The following PPME1 variants were observed in gnomAD, a reference collection of about 807,000 sequenced individuals.
The protein encoded by PPME1 is protein phosphatase methylesterase 1, also known as testicular secretory protein Li 39.
In PPME1, 17 loss-of-function variants were observed where a neutral mutation model predicts 56.9. The observed-to-expected ratio is 0.30, with a 90% CI of 0.20 to 0.45. PPME1 has a LOEUF of 0.45. PPME1 is among the 20% of genes least tolerant of loss of function. The pLI is 1.00. For missense variants in PPME1, 357 were observed against 483.2 expected (o/e 0.74, Z 2.45); for synonymous variants, 122 against 156.2 (o/e 0.78, Z 1.63).
chr11:74,239,680 C>G lies in PPME1; in HGVS notation c.834+424C>G, dbSNP rs549669279. Among the ~76,000 whole-genome samples the G allele has an allele frequency of 4.7e-4, 71 of 151,706 alleles. No individual in the cohort carries two copies. The East Asian group carries it at 9.7e-3, about 21-fold the overall frequency. On this transcript the variant is annotated intron_variant, in intron 9 of 13. Transcript: ENST00000328257. ...CAAGCTCCGCCTCCCGGGTTCACGC[C>G]ATTCTCCTGCCTCAGCCTCCCATGT...
intron 3 of PPME1, among the ~76,000 whole-genome samples, chr11:74,213,067 C>A (rs1005219859): frequency 6.6e-6 from 1 of 152,060 alleles, no homozygotes; most frequent in Non-Finnish European, 1.5e-5. Context: ...GGCTCTTGGA[C>A]AGCATTTCTG....
At chr11:74,187,061 G>A (rs1005894072) in intron 1 of PPME1, among the ~76,000 whole-genome samples, 2 of 152,138 alleles carry the variant, frequency 1.3e-5, no homozygotes, top group Non-Finnish European at 2.9e-5. Flanking sequence ...GACCATAAAT[G>A]TATGTGTTTG....
intron 2 of PPME1, 65 bp downstream of exon 2, chr11:74,203,886 T>C (rs1191511209): frequency 2.5e-6 from 3 of 1,200,988 alleles, no homozygotes; most frequent in South Asian, 3.0e-5. Flanking sequence ...AAAAGACTTG[T>C]GTAGTTTCTA....
In PPME1 at chr11:74,251,026, T is replaced by G; in HGVS notation, c.1074+8T>G. The stretch of plus-strand genomic sequence containing the variant: ...GAGGATGCCCCTGACAAGGTGAGTC[T>G]GGTGCTCAGTGACTGTAAAAGGACA... On this transcript the variant is annotated splice_region_variant and intron_variant, in intron 12 of 13. Coordinates refer to ENST00000328257, the MANE Select transcript of PPME1 (RefSeq NM_016147.3). The G allele has an allele frequency of 6.3e-7, 1 of 1,587,018 alleles. No individual in the cohort carries two copies. Among genetic ancestry groups the G allele is most frequent in the South Asian group, 1.2e-5 (1 of 86,504 alleles).
chr11:74,206,797 C>A (rs1192259769), intron 3 of PPME1, among the ~76,000 whole-genome samples: 1 of 152,008 alleles, frequency 6.6e-6, no homozygotes, highest in East Asian at 1.9e-4. Context: ...AAACTCCTGG[C>A]CTCAAGCAGT....
At position 74,223,481 on chromosome 11, in the gene PPME1, T is replaced by C. The variant is rs1015018963; in HGVS notation, c.346+1112T>C. On this transcript the variant is annotated intron_variant, in intron 4 of 13. Coordinates refer to ENST00000328257, the MANE Select transcript of PPME1 (RefSeq NM_016147.3). The stretch of plus-strand genomic sequence containing the variant: ...CCAGTAGTGGGATGGCTGGGTCAAA[T>C]GGTATTTCTAGTTCTAGATCCCTGA... Among the ~76,000 whole-genome samples, 5 of 136,590 alleles carry C rather than the reference T, an allele frequency of 3.7e-5. 1 individual carries two copies. The highest frequency in any genetic ancestry group is 7.5e-5 in the Non-Finnish European group (5 of 66,566). 89.6% of individuals were successfully genotyped at this position (136,590 alleles called of 152,430 possible). A position where few individuals can be genotyped will look rare whatever the true frequency, so the allele number is the denominator to read the frequency against.
intron 11 of PPME1, chr11:74,248,921 T>C (rs1380766071): frequency 6.6e-6 from 1 of 152,206 alleles, no homozygotes; most frequent in Non-Finnish European, 1.5e-5. Flanking sequence ...CTGTTAATAG[T>C]TTTGCGGTAT....
At position 74,171,394 on chromosome 11, in the gene PPME1, T is replaced by C; in HGVS notation, c.-28T>C. 3 of 1,596,994 alleles carry C rather than the reference T, an allele frequency of 1.9e-6. No individual in the cohort carries two copies. The highest frequency in any genetic ancestry group is 1.7e-6 in the Non-Finnish European group (2 of 1,171,842). On this transcript the variant is annotated 5_prime_UTR_variant, in exon 1 of 14. Transcript: ENST00000328257. ...CGTGGGACGAAGCTTCGCCTACTGT[T>C]TGACTACGTGCGTGCAGCCTCCCCT...
chr11:74,192,765 TCA>T (rs995407882), intron 1 of PPME1, among the ~76,000 whole-genome samples: 1 of 152,150 alleles, frequency 6.6e-6, no homozygotes, highest in Non-Finnish European at 1.5e-5. Context: ...GCTTCTGCTC[TCA>T]CCTTGTGACA....
Position 74,237,275 on chromosome 11 carries a change from C to CTTTTTTTTTTTTTTTTT in PPME1, c.710+1311_710+1327dup, listed in dbSNP as rs763251745. ...CAGGAAGTACATAATGTCTGGTTGT[C>CTTTTTTTTTTTTTTTTT]TTTTTTTTTTTTTTTTTTGAGACAG... On this transcript the variant is annotated intron_variant, in intron 8 of 13. Coordinates refer to ENST00000328257, the MANE Select transcript of PPME1 (RefSeq NM_016147.3). Among the ~76,000 whole-genome samples, 143 of 128,002 alleles carry CTTTTTTTTTTTTTTTTT rather than the reference C, an allele frequency of 1.1e-3. 21 individuals carry two copies. Among genetic ancestry groups the CTTTTTTTTTTTTTTTTT allele is most frequent in the Middle Eastern group, 4.1e-3 (1 of 242 alleles). The allele number at this position is 128,002 out of a possible 152,430, so 84.0% of individuals were successfully genotyped here. A position where few individuals can be genotyped will look rare whatever the true frequency, so the allele number is the denominator to read the frequency against.
At chr11:74,187,585 T>G (rs950492589) in intron 1 of PPME1, among the ~76,000 whole-genome samples, 1 of 152,242 alleles carries the variant, frequency 6.6e-6, no homozygotes, top group South Asian at 2.1e-4. Flanking sequence ...TATATTGGTC[T>G]TATTTTCTGA....
At chr11:74,231,169 C>T (rs1000087998) in intron 7 of PPME1, among the ~76,000 whole-genome samples, 167 bp downstream of exon 7, 2 of 152,094 alleles carry the variant, frequency 1.3e-5, no homozygotes, top group Admixed American at 1.3e-4. Flanking sequence ...GCAATCCTCC[C>T]ACCTCAGCCT....
At chr11:74,183,120 G>A (rs554509562) in intron 1 of PPME1, among the ~76,000 whole-genome samples, 1 of 151,960 alleles carries the variant, frequency 6.6e-6, no homozygotes, top group African/African-American at 2.4e-5. Flanking sequence ...AACATAGTGA[G>A]ACCACATCGC....
chr11:74,215,774 G>A (rs1244695858), intron 3 of PPME1, among the ~76,000 whole-genome samples: 1 of 152,140 alleles, frequency 6.6e-6, no homozygotes, highest in Non-Finnish European at 1.5e-5. Context: ...CTCTTTATCT[G>A]TAAAGACACA....
At chr11:74,213,391 C>A (rs921143097) in intron 3 of PPME1, among the ~76,000 whole-genome samples, 15 of 152,334 alleles carry the variant, frequency 9.8e-5, no homozygotes, top group African/African-American at 3.6e-4. Context: ...CTGGACTCAC[C>A]TGGGACCAGG....
At chr11:74,202,981 T>A (rs1041444954) in intron 1 of PPME1, among the ~76,000 whole-genome samples, 14 of 152,158 alleles carry the variant, frequency 9.2e-5, no homozygotes, top group Non-Finnish European at 2.9e-5. Context: ...CTTGGAATTA[T>A]ATATTCATAT....
In PPME1 at chr11:74,215,705, G is replaced by A. The variant is rs143337706; in HGVS notation, c.289-6607G>A. ...AGACTAAACTCGCCAATCAAAAGAC[G>A]TGGAGTGGCTGAATGAATACAAAAA... On this transcript the variant is annotated intron_variant, in intron 3 of 13. Coordinates refer to ENST00000328257, the MANE Select transcript of PPME1 (RefSeq NM_016147.3). Among the ~76,000 whole-genome samples, 439 of 152,208 alleles carry A rather than the reference G, an allele frequency of 2.9e-3. 1 individual carries two copies. Among genetic ancestry groups the A allele is most frequent in the Non-Finnish European group, 4.7e-3 (319 of 68,010 alleles).
At chr11:74,205,146 C>T (rs923981014) in intron 3 of PPME1, 9 of 152,272 alleles carry the variant, frequency 5.9e-5, no homozygotes, top group Admixed American at 3.3e-4. Flanking sequence ...CTATGTAATA[C>T]TTTGCACATG....
In PPME1 at chr11:74,253,644, G is replaced by A. The variant is rs3741133; in HGVS notation, c.*134G>A. The stretch of plus-strand genomic sequence containing the variant: ...CTGGCTCCCGGTAGACGGGCACCCC[G>A]AGATGTACCAACCTTTTCATGTATT... On this transcript the variant is annotated 3_prime_UTR_variant, in exon 14 of 14. Coordinates refer to ENST00000328257, the MANE Select transcript of PPME1 (RefSeq NM_016147.3). 0.18 allele frequency: 170,559 copies of A among 970,348 alleles called. 16,278 individuals are homozygous for A. The highest frequency in any genetic ancestry group is 0.28 in the East Asian group (11,316 of 40,970). 60.1% of individuals were successfully genotyped at this position (970,348 alleles called of 1,614,324 possible). A position where few individuals can be genotyped will look rare whatever the true frequency, so the allele number is the denominator to read the frequency against.
Sources: allele counts gnomAD v4.1 joint callset (sites outside exome capture counted in the v4.1 genomes callset), GRCh38; gene constraint gnomAD v4.1.1; transcripts MANE v1.5; gene names NCBI Gene and HGNC (gene_info 2026-07-23, HGNC 2026-07-21).